MFHAS1: variants seen among roughly 807,000 people sequenced by gnomAD.
MFHAS1 encodes multifunctional ROCO family signaling regulator 1.
In MFHAS1, 50 loss-of-function variants were observed where a neutral mutation model predicts 70.4. That is an observed-to-expected ratio of 0.71 (90% CI 0.57 to 0.90). The LOEUF (loss-of-function observed/expected upper bound fraction) is 0.90, where lower values mean the gene tolerates loss of function less well. Among genes scored for constraint, MFHAS1 ranks in the 40% least tolerant of loss-of-function variants. MFHAS1 has a pLI of 0.00. For synonymous variants in MFHAS1, 952 were observed against 620.0 expected, an observed-to-expected ratio of 1.54 and a Z score of -7.96; for missense variants, 1,795 against 1,347.6, an observed-to-expected ratio of 1.33 and a Z score of -5.20.
intron 1 of MFHAS1, among the ~76,000 whole-genome samples, chr8:8,838,919 G>A (rs1475035609): frequency 6.6e-6 from 1 of 151,880 alleles, no homozygotes; most frequent in Non-Finnish European, 1.5e-5. Flanking sequence ...CTAACACAAT[G>A]ACAACTAAGC....
At chr8:8,875,877 A>G (rs1241613790) in intron 1 of MFHAS1, among the ~76,000 whole-genome samples, 2 of 152,186 alleles carry the variant, frequency 1.3e-5, no homozygotes, top group East Asian at 3.9e-4. Flanking sequence ...GTGAGCCACC[A>G]TGCCCGGCCT....
At chr8:8,819,582 C>G (rs1000886662) in intron 1 of MFHAS1, among the ~76,000 whole-genome samples, 8 of 133,948 alleles carry the variant, frequency 6.0e-5, no homozygotes, top group African/African-American at 2.3e-4. Context: ...CCAGCCTAGG[C>G]GACAGAGCAA....
chr8:8,830,738 G>C (rs190069261), intron 1 of MFHAS1, among the ~76,000 whole-genome samples: 1 of 152,290 alleles, frequency 6.6e-6, no homozygotes, highest in Non-Finnish European at 1.5e-5. Context: ...GAGTAGCTGG[G>C]ATTACAGCAC....
chr8:8,833,463 T>A (rs1458828049), intron 1 of MFHAS1, among the ~76,000 whole-genome samples: 1 of 151,864 alleles, frequency 6.6e-6, no homozygotes, highest in Non-Finnish European at 1.5e-5. Context: ...ACCCCATGTC[T>A]ACAAAAAAAT....
chr8:8,852,936 A>C (rs1020501483), intron 1 of MFHAS1, among the ~76,000 whole-genome samples: 4 of 152,180 alleles, frequency 2.6e-5, no homozygotes, highest in Non-Finnish European at 5.9e-5. Context: ...TTGCATTTCC[A>C]TAAGAACATT....
intron 1 of MFHAS1, among the ~76,000 whole-genome samples, chr8:8,830,216 G>C (rs552101965): frequency 6.6e-6 from 1 of 152,204 alleles, no homozygotes; most frequent in East Asian, 1.9e-4. Context: ...TTCTGTGTCA[G>C]GAAACACCAA....
chr8:8,857,507 C>A (rs1469960993), intron 1 of MFHAS1, among the ~76,000 whole-genome samples: 1 of 151,988 alleles, frequency 6.6e-6, no homozygotes. Context: ...GCCTGTAATC[C>A]CAGCACTTTG....
chr8:8,832,060 G>GCA (rs1220603806), intron 1 of MFHAS1, among the ~76,000 whole-genome samples: 171 of 148,804 alleles, frequency 1.1e-3, no homozygotes, highest in Non-Finnish European at 1.7e-3. Context: ...GCGCGCGCGC[G>GCA]CGCACACACA....
At chr8:8,812,801 T>C (rs1806598978) in intron 1 of MFHAS1, among the ~76,000 whole-genome samples, 1 of 84,720 alleles carries the variant, frequency 1.2e-5, no homozygotes, top group South Asian at 5.8e-4. Context: ...AGAGTCTCGC[T>C]GTCACCCAGG....
intron 1 of MFHAS1, among the ~76,000 whole-genome samples, chr8:8,819,441 T>C (rs1585033231): frequency 6.6e-6 from 1 of 151,678 alleles, no homozygotes; most frequent in Non-Finnish European, 1.5e-5. Context: ...CCATCTCTAC[T>C]AAAAACACAA....
At chr8:8,870,309 A>T (rs1376232586) in intron 1 of MFHAS1, among the ~76,000 whole-genome samples, 1 of 109,408 alleles carries the variant, frequency 9.1e-6, no homozygotes, top group Non-Finnish European at 2.0e-5. Flanking sequence ...AAAAAAAAAA[A>T]AAAAAATTAG....
At chr8:8,821,777 T>G (rs1344878568) in intron 1 of MFHAS1, 1 of 152,246 alleles carries the variant, frequency 6.6e-6, no homozygotes, top group Admixed American at 6.5e-5. Flanking sequence ...TGCCTAATAG[T>G]AACTTTTCCA....
intron 1 of MFHAS1, among the ~76,000 whole-genome samples, chr8:8,862,145 A>C (rs1352981585): frequency 2.0e-5 from 3 of 152,192 alleles, no homozygotes; most frequent in Non-Finnish European, 4.4e-5. Context: ...TCCACTCCCA[A>C]GAGCAGCGTA....
chr8:8,796,932 C>T (rs368788540), intron 2 of MFHAS1, among the ~76,000 whole-genome samples: 2 of 151,590 alleles, frequency 1.3e-5, no homozygotes, highest in African/African-American at 2.4e-5. Context: ...GGAGGCGGAG[C>T]TTGCAGTGAG....
chr8:8,881,372 T>G (rs1006405085), intron 1 of MFHAS1, among the ~76,000 whole-genome samples: 2 of 152,224 alleles, frequency 1.3e-5, no homozygotes, highest in South Asian at 2.1e-4. Context: ...AGAGTACACA[T>G]GCAATCATCT....
chr8:8,807,561 C>A (rs1806340229), intron 1 of MFHAS1, among the ~76,000 whole-genome samples: 1 of 152,152 alleles, frequency 6.6e-6, no homozygotes, highest in Non-Finnish European at 1.5e-5. Flanking sequence ...ATTTGCCTTT[C>A]ATCAGTTGAT....
intron 2 of MFHAS1, among the ~76,000 whole-genome samples, chr8:8,787,085 AT>A (rs371642880): frequency 5.8e-4 from 74 of 128,018 alleles, no homozygotes; most frequent in Middle Eastern, 4.1e-3. Context: ...TATTATTATT[AT>A]TTTTTTTTTT....
intron 1 of MFHAS1, among the ~76,000 whole-genome samples, chr8:8,888,765 A>G (rs1809870530): frequency 1.3e-5 from 2 of 152,340 alleles, no homozygotes; most frequent in South Asian, 4.1e-4. Context: ...GTATGATACT[A>G]TAATGGGGGA....
At chr8:8,787,263 G>A (rs557086276) in intron 2 of MFHAS1, among the ~76,000 whole-genome samples, 3 of 152,050 alleles carry the variant, frequency 2.0e-5, no homozygotes, top group Non-Finnish European at 4.4e-5. Context: ...TGCATTTTTA[G>A]TAGAGATGGG....
Sources: gnomAD v4.1 joint callset for allele counts (sites outside exome capture counted in the v4.1 genomes callset) on GRCh38, gnomAD v4.1.1 for gene constraint, MANE v1.5 for transcripts, NCBI Gene and HGNC (gene_info 2026-07-23, HGNC 2026-07-21) for gene names.